Variants in SELENOO observed in about 807,000 individuals in gnomAD.
SELENOO encodes protein adenylyltransferase SelO, mitochondrial.
SELENOO carries 74 observed loss-of-function variants against 58.7 expected under a neutral mutation model. That is an observed-to-expected ratio of 1.26 (90% CI 1.04 to 1.53). The LOEUF is 1.53. SELENOO is among the 40% of genes most tolerant of loss of function. SELENOO has a pLI of 0.00. For synonymous variants in SELENOO, 543 were observed against 453.2 expected (o/e 1.20, Z -2.52); for missense variants, 1,149 against 970.0 (o/e 1.18, Z -2.45).
At chr22:50,214,256 C>A (rs541274978) in intron 5 of SELENOO, among the ~76,000 whole-genome samples, 50 of 152,340 alleles carry the variant, frequency 3.3e-4, no homozygotes, top group African/African-American at 1.2e-3. Flanking sequence ...ATCCTCCTGC[C>A]TCAGCCTACC....
At chr22:50,215,577 G>A (rs867209966) in intron 5 of SELENOO, 140 bp from the exon 6 acceptor site, 43 of 636,986 alleles carry the variant, frequency 6.8e-5, no homozygotes, top group Admixed American at 2.0e-4. Flanking sequence ...CCGTGCTGGC[G>A]GTGGGGGGCG....
intron 5 of SELENOO, among the ~76,000 whole-genome samples, chr22:50,213,123 T>TA (rs1449206473): frequency 6.6e-6 from 1 of 152,050 alleles, no homozygotes; most frequent in African/African-American, 2.4e-5. Flanking sequence ...TGCAGTGGCA[T>TA]GATCTTGGCT....
chr22:50,201,772 G>A (rs1224993273), intron 1 of SELENOO, among the ~76,000 whole-genome samples, 182 bp downstream of exon 1: 2 of 152,256 alleles, frequency 1.3e-5, no homozygotes, highest in African/African-American at 4.8e-5. Flanking sequence ...CGAGGACCTT[G>A]GAGTCAGCTC....
At chr22:50,201,708 AC>A (rs1189176827) in intron 1 of SELENOO, 118 bp downstream of exon 1, 3 of 734,712 alleles carry the variant, frequency 4.1e-6, no homozygotes, top group Non-Finnish European at 5.5e-6. Context: ...CCTCCCCTGC[AC>A]CCGCGGGAGC....
chr22:50,203,463 A>T (rs1313248528), intron 1 of SELENOO, among the ~76,000 whole-genome samples: 3 of 152,226 alleles, frequency 2.0e-5, no homozygotes, highest in African/African-American at 7.2e-5. Flanking sequence ...ATGCTTCCTG[A>T]TTTCAAAACT....
chr22:50,215,589 T>TG, intron 5 of SELENOO, 128 bp from the exon 6 acceptor site: 1 of 572,240 alleles, frequency 1.7e-6, no homozygotes, highest in Non-Finnish European at 2.7e-6. Flanking sequence ...TGGGGGGCGG[T>TG]GGTGGAGCAT....
Position 50,215,559 on chromosome 22 carries a change from G to A in SELENOO, c.1352-158G>A, listed in dbSNP as rs191723907. Among the ~76,000 whole-genome samples, 535 of 150,394 alleles carry A rather than the reference G, an allele frequency of 3.6e-3. 6 individuals are homozygous for A. Among genetic ancestry groups the A allele is most frequent in the African/African-American group, 0.012 (494 of 40,794 alleles). On this transcript the variant is annotated intron_variant, in intron 5 of 8. Transcript: ENST00000380903. ...AGGTGGAGGGTGTGGGTCAGGGAGC[G>A]TGTGGATCCGTGCTGGCGGTGGGGG... is the stretch of plus-strand genomic sequence containing the variant.
rs1212830517 is a variant in SELENOO, at chr22:50,217,314, A to G, written c.1955A>G (p.Tyr652Cys). 2 of 1,612,814 alleles carry G rather than the reference A, an allele frequency of 1.2e-6. No individual in the cohort carries two copies. Among genetic ancestry groups the G allele is most frequent in the Admixed American group, 3.3e-5 (2 of 59,948 alleles). The change falls in exon 9 of 9, where the codon TAC becomes TGC. Residue 652 changes from tyrosine (Y) to cysteine (C), a missense_variant. Tyr to Cys is a radical substitution (Grantham distance 194, BLOSUM62 -2). Transcript: ENST00000380903. ...ADGADGRQRS[Y>C]SSKPPLWAAE... ...GGGGCGGACGGCAGGCAGCGCTCCT[A>G]CAGCAGTAAGCCCCCGCTCTGGGCA...
At chr22:50,212,507 A>T (rs187424552) in intron 5 of SELENOO, among the ~76,000 whole-genome samples, 33 of 152,300 alleles carry the variant, frequency 2.2e-4, no homozygotes, top group Admixed American at 5.2e-4. Flanking sequence ...TGTGGAGGGC[A>T]CCGCACATCA....
At chr22:50,202,305 T>A (rs1043121016) in intron 1 of SELENOO, among the ~76,000 whole-genome samples, 1 of 152,120 alleles carries the variant, frequency 6.6e-6, no homozygotes, top group African/African-American at 2.4e-5. Flanking sequence ...CTCCAGCACC[T>A]GAAATGCCCC....
intron 2 of SELENOO, among the ~76,000 whole-genome samples, chr22:50,206,893 G>A (rs2294400): frequency 3.6e-5 from 2 of 56,050 alleles, no homozygotes; most frequent in Non-Finnish European, 8.0e-5. Context: ...TGGTGCTTCT[G>A]GGGGGGAGGG....
At position 50,216,715 on chromosome 22, in the gene SELENOO, G is replaced by A. The variant is rs764559460; in HGVS notation, c.1527G>A (p.Leu509=). Residue 509 remains leucine (L), a synonymous_variant, in exon 7 of 9, where the codon CTG becomes CTA. Transcript: ENST00000380903. Reference sequence around the variant, plus strand: ...GGCAGCTATCCATGATGCTGATGCTGGCGCAGTCAAACCCGCAGCTGTTCG... The same window carrying A: ...GGCAGCTATCCATGATGCTGATGCTAGCGCAGTCAAACCCGCAGCTGTTCG... The part of the protein sequence containing the change: ...DPRQLSMMLM[L]AQSNPQLFAL... 2 of 1,599,162 alleles carry A rather than the reference G, an allele frequency of 1.3e-6. No individual in the cohort carries two copies. The highest frequency in any genetic ancestry group is 2.0e-4 in the Middle Eastern group (1 of 4,900).
intron 3 of SELENOO, 119 bp from the exon 4 acceptor site, chr22:50,210,062 C>G: frequency 8.1e-7 from 1 of 1,227,578 alleles, no homozygotes; most frequent in South Asian, 1.4e-5. Flanking sequence ...CGCCCAGAAA[C>G]TGCAGAGTGA....
At chr22:50,213,752 A>G (rs1309347574) in intron 5 of SELENOO, among the ~76,000 whole-genome samples, 3 of 152,040 alleles carry the variant, frequency 2.0e-5, no homozygotes, top group African/African-American at 7.2e-5. Context: ...GGTTCACGGC[A>G]TTTTCCTGCC....
intron 3 of SELENOO, 142 bp from the exon 4 acceptor site, chr22:50,210,039 A>C (rs2064357272): frequency 3.3e-6 from 3 of 921,890 alleles, no homozygotes; most frequent in South Asian, 1.6e-5. Flanking sequence ...CGGTGACAGG[A>C]CATCAGGAAG....
chr22:50,214,867 G>A (rs887382784), intron 5 of SELENOO, among the ~76,000 whole-genome samples: 2 of 152,192 alleles, frequency 1.3e-5, no homozygotes, highest in East Asian at 1.9e-4. Flanking sequence ...CAGCCTGTTC[G>A]TGTCTTTGAA....
At chr22:50,204,189 C>G (rs1165505019) in intron 1 of SELENOO, among the ~76,000 whole-genome samples, 2 of 152,192 alleles carry the variant, frequency 1.3e-5, no homozygotes, top group Non-Finnish European at 2.9e-5. Flanking sequence ...AAAGGTTGAC[C>G]TGGGCGTGGT....
intron 5 of SELENOO, 26 bp from the exon 6 acceptor site, chr22:50,215,691 A>G (rs1385606389): frequency 3.3e-6 from 5 of 1,532,472 alleles, no homozygotes; most frequent in Non-Finnish European, 4.4e-6. Context: ...TTCTGCTTCC[A>G]GCTCCCTGAG....
intron 2 of SELENOO, among the ~76,000 whole-genome samples, chr22:50,208,059 A>C (rs1166778552): frequency 6.6e-6 from 1 of 151,544 alleles, no homozygotes; most frequent in Non-Finnish European, 1.5e-5. Context: ...GTGTCAGGTA[A>C]AGCTGTGGTG....
Sources: allele counts gnomAD v4.1 joint callset (sites outside exome capture counted in the v4.1 genomes callset), GRCh38; gene constraint gnomAD v4.1.1; transcripts MANE v1.5; gene names NCBI Gene and HGNC (gene_info 2026-07-23, HGNC 2026-07-21).